INPP4B: variants seen among roughly 807,000 people sequenced by gnomAD.
INPP4B encodes inositol polyphosphate-4-phosphatase type II B, also known as inositol polyphosphate 4-phosphatase type II.
Under a neutral mutation model 122.5 loss-of-function variants are expected in INPP4B, and 55 were observed. That is an observed-to-expected ratio of 0.45 (90% confidence interval 0.36 to 0.56). INPP4B has a LOEUF of 0.56. INPP4B is among the 20% of genes least tolerant of loss of function. INPP4B has a pLI of 0.00. For missense variants in INPP4B, 1,000 were observed against 1,097.7 expected (o/e 0.91, Z 1.26); for synonymous variants, 403 against 388.7 (o/e 1.04, Z -0.43).
chr4:142,627,735 C>T, intron 2 of INPP4B, among the ~76,000 whole-genome samples: 1 of 151,840 alleles, frequency 6.6e-6, no homozygotes, highest in South Asian at 2.1e-4. Context: ...GTGTCTCTGC[C>T]CAGCTTTGGT....
At chr4:142,639,939 G>A (rs1228761606) in intron 2 of INPP4B, among the ~76,000 whole-genome samples, 1 of 151,986 alleles carries the variant, frequency 6.6e-6, no homozygotes, top group Non-Finnish European at 1.5e-5. Context: ...TTCAACAAAT[G>A]GTACTACTAC....
At chr4:142,471,247 C>T (rs1818767751) in intron 2 of INPP4B, among the ~76,000 whole-genome samples, 1 of 152,114 alleles carries the variant, frequency 6.6e-6, no homozygotes, top group Admixed American at 6.6e-5. Context: ...ACAATGTTAG[C>T]TATACCTATC....
chr4:142,680,481 T>C (rs1357713638), intron 2 of INPP4B, among the ~76,000 whole-genome samples: 5 of 151,818 alleles, frequency 3.3e-5, no homozygotes, highest in Non-Finnish European at 5.9e-5. Flanking sequence ...TCTTTGTTTA[T>C]AGCTGGGTAT....
intron 7 of INPP4B, among the ~76,000 whole-genome samples, chr4:142,375,000 T>C (rs1211462417): frequency 1.3e-5 from 2 of 151,846 alleles, no homozygotes; most frequent in Non-Finnish European, 2.9e-5. Context: ...CCTAAACTAA[T>C]ACAACCTTTC....
rs116071389 is a variant in INPP4B at position 142,345,379 on chromosome 4, C to T, written c.373-30617G>A. Reference sequence around the variant, plus strand: ...TTGTTCCCTAATTTAAAATTAAGACCACGGGGAAAATACTGTCGAAAAATA... The same window carrying T: ...TTGTTCCCTAATTTAAAATTAAGACTACGGGGAAAATACTGTCGAAAAATA... On this transcript the variant is annotated intron_variant, in intron 7 of 25. Coordinates refer to ENST00000262992, the MANE Select transcript of INPP4B (RefSeq NM_001101669.3). Among the ~76,000 whole-genome samples, 1,494 of 151,732 alleles carry T rather than the reference C, an allele frequency of 9.8e-3. 23 individuals are homozygous for T. Among genetic ancestry groups the T allele is most frequent in the African/African-American group, 0.035 (1,434 of 41,382 alleles).
intron 1 of INPP4B, among the ~76,000 whole-genome samples, chr4:142,732,698 T>G (rs187613139): frequency 6.6e-6 from 1 of 152,006 alleles, no homozygotes; most frequent in Admixed American, 6.6e-5. Context: ...CAAAAATAAA[T>G]GGAGAGAGAT....
chr4:142,521,105 G>A (rs952268703), intron 2 of INPP4B, among the ~76,000 whole-genome samples: 5 of 150,482 alleles, frequency 3.3e-5, no homozygotes, highest in Non-Finnish European at 7.4e-5. Context: ...TACCTAAAAG[G>A]GAATAAGACT....
At chr4:142,214,331 C>T (rs1426090620) in intron 12 of INPP4B, among the ~76,000 whole-genome samples, 1 of 152,192 alleles carries the variant, frequency 6.6e-6, no homozygotes, top group Non-Finnish European at 1.5e-5. Context: ...TTTCTCACCA[C>T]AGACACTTTC....
In INPP4B at chr4:142,208,943, A is replaced by G; in HGVS notation, c.920T>C (p.Met307Thr). Residue 307 changes from methionine to threonine, a missense_variant, in exon 13 of 26, where the codon ATG (methionine) becomes ACG (threonine). By Grantham distance (81) the Met-to-Thr change is moderately conservative (BLOSUM62 -1). Coordinates refer to ENST00000262992, the MANE Select transcript of INPP4B (RefSeq NM_001101669.3). ...RKNVLTHCDQ[M>T]VNMYQDILTE... ...CAGAATGTCTTGGTACATATTCACC[A>G]TTTGATCACAGTGAGTAAGGACATT... 1 of 1,603,042 alleles carries G rather than the reference A, an allele frequency of 6.2e-7. No homozygotes were observed. Among genetic ancestry groups the G allele is most frequent in the Non-Finnish European group, 8.5e-7 (1 of 1,172,974 alleles).
chr4:142,053,127 G>A (rs1755567945), intron 25 of INPP4B, among the ~76,000 whole-genome samples: 1 of 152,004 alleles, frequency 6.6e-6, no homozygotes, highest in Non-Finnish European at 1.5e-5. Context: ...GGCAGAGAAG[G>A]GGAAAGGACA....
At chr4:142,469,291 T>C (rs968611488) in intron 2 of INPP4B, among the ~76,000 whole-genome samples, 1 of 151,944 alleles carries the variant, frequency 6.6e-6, no homozygotes, top group Non-Finnish European at 1.5e-5. Flanking sequence ...ATAATCCAAA[T>C]TACTACAGCA....
At chr4:142,146,632 T>TGGTC (rs979999359) in intron 17 of INPP4B, among the ~76,000 whole-genome samples, 1 of 152,178 alleles carries the variant, frequency 6.6e-6, no homozygotes, top group Admixed American at 6.6e-5. Flanking sequence ...TCTGGAAGTA[T>TGGTC]GGTCTTTAGA....
At position 142,320,741 on chromosome 4, in the gene INPP4B, C is replaced by T. The variant is rs1443106938; in HGVS notation, c.373-5979G>A. Among the ~76,000 whole-genome samples the T allele has an allele frequency of 2.0e-5, 3 of 152,100 alleles. No homozygotes were observed. In the East Asian group the frequency reaches 5.8e-4, roughly 29 times the overall value. On this transcript the variant is annotated intron_variant, in intron 7 of 25. Coordinates refer to ENST00000262992, the MANE Select transcript of INPP4B (RefSeq NM_001101669.3). ...AGCTCCCATTTATAAGTGAGAAATA[C>T]TATGTTTGGTTTTCCATTCCTGAGT...
At chr4:142,701,800 A>G (rs184205649) in intron 2 of INPP4B, among the ~76,000 whole-genome samples, 5 of 152,284 alleles carry the variant, frequency 3.3e-5, no homozygotes, top group East Asian at 3.9e-4. Flanking sequence ...ACATCTATCA[A>G]ATAGACACTT....
chr4:142,291,777 A>G (rs1489776535), intron 9 of INPP4B, among the ~76,000 whole-genome samples: 1 of 152,192 alleles, frequency 6.6e-6, no homozygotes, highest in Non-Finnish European at 1.5e-5. Context: ...AAAAAAAGAA[A>G]AAATATTCAC....
At chr4:142,330,871 T>G (rs1462065534) in intron 7 of INPP4B, among the ~76,000 whole-genome samples, 1 of 152,166 alleles carries the variant, frequency 6.6e-6, no homozygotes, top group Non-Finnish European at 1.5e-5. Context: ...GTTCAGGCAT[T>G]TTAGAGGAAA....
chr4:142,265,269 C>T (rs928424620), intron 10 of INPP4B, among the ~76,000 whole-genome samples: 1 of 152,184 alleles, frequency 6.6e-6, no homozygotes, highest in African/African-American at 2.4e-5. Flanking sequence ...TAACATGTGT[C>T]ACTTTCATGG....
At chr4:142,482,030 G>A (rs1239862160) in intron 2 of INPP4B, among the ~76,000 whole-genome samples, 1 of 152,144 alleles carries the variant, frequency 6.6e-6, no homozygotes, top group Non-Finnish European at 1.5e-5. Context: ...GGACTTCCTG[G>A]GAACCAACAG....
At chr4:142,380,848 T>C (rs1246928337) in intron 7 of INPP4B, among the ~76,000 whole-genome samples, 3 of 152,040 alleles carry the variant, frequency 2.0e-5, no homozygotes, top group Non-Finnish European at 4.4e-5. Context: ...GGAATTATGT[T>C]AAATACTATT....
Sources: gnomAD v4.1 joint callset for allele counts (sites outside exome capture counted in the v4.1 genomes callset) on GRCh38, gnomAD v4.1.1 for gene constraint, MANE v1.5 for transcripts, NCBI Gene and HGNC (gene_info 2026-07-23, HGNC 2026-07-21) for gene names.